The following GPR42 variants were observed in gnomAD, a reference collection of about 807,000 sequenced individuals.
The protein encoded by GPR42 is G-protein coupled receptor.
For missense variants in GPR42, 68 were observed against 311.2 expected (o/e 0.22, Z 5.88); for synonymous variants, 28 against 140.4 (o/e 0.20, Z 5.66).
At position 35,372,017 on chromosome 19, in the gene GPR42, C is replaced by CATTAAAAAAAA. The variant is rs1156603414; in HGVS notation, c.659_660insTTAAAAAAAAA (p.Gln220HisfsTer2). The CATTAAAAAAAA allele has an allele frequency of 2.3e-6, 2 of 884,560 alleles. No individual in the cohort carries two copies. Among genetic ancestry groups the CATTAAAAAAAA allele is most frequent in the Non-Finnish European group, 3.1e-6 (2 of 649,004 alleles). 54.8% of individuals were successfully genotyped at this position (884,560 alleles called of 1,614,324 possible). On this transcript the variant is annotated stop_gained and frameshift_variant, in exon 2 of 2. Transcript: ENST00000454971. LOFTEE classifies it low-confidence loss of function (END_TRUNC). ...CGGCAGAGGGGGCAGCCACCGCCGG[C>CATTAAAAAAAA]AGAGGAGGGTGGCGGGGCTGGTGGC...
rs752386102 is a variant in GPR42 at position 35,372,048 on chromosome 19, C to T, written c.689C>T (p.Thr230Met). The T allele has an allele frequency of 4.6e-6, 4 of 878,804 alleles. 1 individual carries two copies. Among genetic ancestry groups the T allele is most frequent in the African/African-American group, 3.3e-5 (1 of 30,346 alleles). 54.4% of individuals were successfully genotyped at this position (878,804 alleles called of 1,614,324 possible). The change falls in exon 2 of 2, where the codon ACG becomes ATG. Residue 230 changes from threonine (T) to methionine (M), a missense_variant. By Grantham distance (81) the Thr-to-Met change is moderately conservative. Transcript: ENST00000454971. ...AGGGTGGCGGGGCTGGTGGCGGCCACGCTGCTCAACTTCCTTGTCTGCTTT... is the reference window on the plus strand; with the variant it reads ...AGGGTGGCGGGGCTGGTGGCGGCCATGCTGCTCAACTTCCTTGTCTGCTTT... Reference protein sequence around the residue: ...QRRVAGLVAATLLNFLVCFGP... With the variant: ...QRRVAGLVAAMLLNFLVCFGP...
rs1227133857 is a variant in GPR42 at position 35,371,132 on chromosome 19, C to T, written c.-12+14C>T. 12 of 731,934 alleles carry T rather than the reference C, an allele frequency of 1.6e-5. No homozygotes were observed. The East Asian group carries it at 2.2e-4, about 14-fold the overall frequency. 45.3% of individuals were successfully genotyped at this position (731,934 alleles called of 1,614,324 possible). The stretch of plus-strand genomic sequence containing the variant: ...TCAAAGAAGCAGGTGAGCCTGGGCC[C>T]GAGGGGCTGGGTGGAGGAGCACCTT... On this transcript the variant is annotated intron_variant, in intron 1 of 1. Coordinates refer to ENST00000454971, the MANE Select transcript of GPR42 (RefSeq NM_001348195.2).
rs1313025702 is a variant in GPR42 at position 35,372,412 on chromosome 19, G to A, written c.*12G>A. 3.4e-6 allele frequency: 5 copies of A among 1,459,746 alleles called. No homozygotes were observed. Among genetic ancestry groups the A allele is most frequent in the South Asian group, 2.3e-5 (2 of 85,594 alleles). The allele number at this position is 1,459,746 out of a possible 1,614,324, so 90.4% of individuals were successfully genotyped here. A position where few individuals can be genotyped will look rare whatever the true frequency, so the allele number is the denominator to read the frequency against. ...GTGCTGAAAACTAGGTCCTCCGGGG[G>A]AGGAGGGTGTAGCTGGCGTGTCATC... is the stretch of plus-strand genomic sequence containing the variant. On this transcript the variant is annotated 3_prime_UTR_variant, in exon 2 of 2. Coordinates refer to ENST00000454971, the MANE Select transcript of GPR42 (RefSeq NM_001348195.2).
chr19:35,371,123 G>A lies in GPR42; in HGVS notation c.-12+5G>A, dbSNP rs966303768. The A allele has an allele frequency of 5.0e-6, 4 of 799,304 alleles. No individual in the cohort carries two copies. The African/African-American group carries it at 7.3e-5, about 15-fold the overall frequency. 49.5% of individuals were successfully genotyped at this position (799,304 alleles called of 1,614,324 possible). A position where few individuals can be genotyped will look rare whatever the true frequency, so the allele number is the denominator to read the frequency against. ...TTTGGGGTCTCAAAGAAGCAGGTGA[G>A]CCTGGGCCCGAGGGGCTGGGTGGAG... On this transcript the variant is annotated splice_donor_5th_base_variant and intron_variant, in intron 1 of 1. Coordinates refer to ENST00000454971, the MANE Select transcript of GPR42 (RefSeq NM_001348195.2).
chr19:35,371,190 A>T, intron 1 of GPR42, 72 bp downstream of exon 1: 1 of 451,604 alleles, frequency 2.2e-6, no homozygotes, highest in Middle Eastern at 5.8e-4. Context: ...GACAGGGGAC[A>T]GGGCATGCTC....
rs1252651511 is a variant in GPR42, at chr19:35,371,495, C to T, written c.136C>T (p.Arg46Cys). Residue 46 changes from arginine to cysteine, a missense_variant, in exon 2 of 2, where the codon CGC becomes TGC. Physicochemically the swap from Arg to Cys is radical, Grantham distance 180 (BLOSUM62 -3). Transcript: ENST00000454971. The stretch of plus-strand genomic sequence containing the variant: ...GGTCTTCGTGGGCAAGCTGCGGTGC[C>T]GCCCGGTGGCCGTGGACGTGCTCCT... ...LVVFVGKLRC[R>C]PVAVDVLLLN... is the part of the protein sequence containing the mutation. 1.9e-5 allele frequency: 17 copies of T among 879,898 alleles called. 6 individuals carry two copies. Among genetic ancestry groups the T allele is most frequent in the Non-Finnish European group, 2.7e-5 (17 of 626,242 alleles). 54.5% of individuals were successfully genotyped at this position (879,898 alleles called of 1,614,324 possible). A position where few individuals can be genotyped will look rare whatever the true frequency, so the allele number is the denominator to read the frequency against.
At position 35,371,798 on chromosome 19, in the gene GPR42, T is replaced by C. The variant is rs1431927781; in HGVS notation, c.439T>C (p.Cys147Arg). 1 of 714,808 alleles carries C rather than the reference T, an allele frequency of 1.4e-6. No individual in the cohort carries two copies. Among genetic ancestry groups the C allele is most frequent in the African/African-American group, 3.6e-5 (1 of 27,986 alleles). 44.3% of individuals were successfully genotyped at this position (714,808 alleles called of 1,614,324 possible). Residue 147 changes from cysteine (C) to arginine (R), a missense_variant, in exon 2 of 2, where the codon TGC becomes CGC. Physicochemically the swap from Cys to Arg is radical, Grantham distance 180. Coordinates refer to ENST00000454971, the MANE Select transcript of GPR42 (RefSeq NM_001348195.2). ...VACWLLASAH[C>R]SVVYVIEFSG... ...CTGCTGGCTGTTGGCCTCTGCTCAC[T>C]GCAGCGTGGTCTACGTCATAGAATT...
At position 35,372,369 on chromosome 19, in the gene GPR42, C is replaced by T. The variant is rs1408493967; in HGVS notation, c.1010C>T (p.Thr337Ile). 3 of 1,461,506 alleles carry T rather than the reference C, an allele frequency of 2.1e-6. No homozygotes were observed. Among genetic ancestry groups the T allele is most frequent in the African/African-American group, 1.4e-5 (1 of 69,944 alleles). 90.5% of individuals were successfully genotyped at this position (1,461,506 alleles called of 1,614,324 possible). A position where few individuals can be genotyped will look rare whatever the true frequency, so the allele number is the denominator to read the frequency against. The change falls in exon 2 of 2, where the codon ACT (threonine) becomes ATT (isoleucine). Residue 337 changes from threonine to isoleucine, a missense_variant. Physicochemically the swap from Thr to Ile is moderately conservative, Grantham distance 89 (BLOSUM62 -1). Coordinates refer to ENST00000454971, the MANE Select transcript of GPR42 (RefSeq NM_001348195.2). ...KTSEHSQGCG[T>I]GGQVACAEN ...AGTGAACACTCACAGGGCTGTGGAA[C>T]TGGTGGCCAGGTGGCCTGTGCTGAA...
rs1156679509 is a variant in GPR42 at position 35,371,075 on chromosome 19, G to A, written c.-55G>A. 46 of 943,716 alleles carry A rather than the reference G, an allele frequency of 4.9e-5. 3 individuals carry two copies. The highest frequency in any genetic ancestry group is 5.6e-5 in the Non-Finnish European group (41 of 727,040). The allele number at this position is 943,716 out of a possible 1,614,324, so 58.5% of individuals were successfully genotyped here. On this transcript the variant is annotated 5_prime_UTR_variant, in exon 1 of 2. Coordinates refer to ENST00000454971, the MANE Select transcript of GPR42 (RefSeq NM_001348195.2). Reference sequence around the variant, plus strand: ...CAACTGCACTAGGTCTGGAGAGACAGCAAGGTGCTGTGCGGCAGAGCATTT... The same window carrying A: ...CAACTGCACTAGGTCTGGAGAGACAACAAGGTGCTGTGCGGCAGAGCATTT...
chr19:35,372,366 G>A lies in GPR42; in HGVS notation c.1007G>A (p.Gly336Glu), dbSNP rs763246849. Residue 336 changes from glycine (G) to glutamate (E), a missense_variant, in exon 2 of 2, where the codon GGA (glycine) becomes GAA (glutamate). Physicochemically the swap from Gly to Glu is moderately conservative, Grantham distance 98. Coordinates refer to ENST00000454971, the MANE Select transcript of GPR42 (RefSeq NM_001348195.2). ...ACCAGTGAACACTCACAGGGCTGTG[G>A]AACTGGTGGCCAGGTGGCCTGTGCT... is the stretch of plus-strand genomic sequence containing the variant. ...RKTSEHSQGC[G>E]TGGQVACAEN 5.5e-6 allele frequency: 8 copies of A among 1,459,194 alleles called. 1 individual carries two copies. The South Asian group carries it at 9.4e-5, about 17-fold the overall frequency. 90.4% of individuals were successfully genotyped at this position (1,459,194 alleles called of 1,614,324 possible).
In GPR42 at chr19:35,371,878, C is replaced by T. The variant is rs2067023416; in HGVS notation, c.519C>T (p.Phe173=). 1 of 883,758 alleles carries T rather than the reference C, an allele frequency of 1.1e-6. No homozygotes were observed. Among genetic ancestry groups the T allele is most frequent in the Non-Finnish European group, 1.5e-6 (1 of 648,134 alleles). The allele number at this position is 883,758 out of a possible 1,614,324, so 54.7% of individuals were successfully genotyped here. Reference sequence around the variant, plus strand: ...CCAATGGGACCTGCTACCTGGAGTTCTGGAAGGACCAGCTAGCCATCCTCC... The same window carrying T: ...CCAATGGGACCTGCTACCTGGAGTTTTGGAAGGACCAGCTAGCCATCCTCC... The part of the protein sequence containing the change: ...QGTNGTCYLE[F]WKDQLAILLP... Residue 173 remains phenylalanine (F), a synonymous_variant, in exon 2 of 2, where the codon TTC becomes TTT. Transcript: ENST00000454971.
rs560481199 is a variant in GPR42 at position 35,372,350 on chromosome 19, C to T, written c.991C>T (p.His331Tyr). The change falls in exon 2 of 2, where the codon CAC becomes TAC. Residue 331 changes from histidine (H) to tyrosine (Y), a missense_variant. His to Tyr is a moderately conservative substitution (Grantham distance 83). Transcript: ENST00000454971. Reference protein sequence around the residue: ...DRPAERKTSEHSQGCGTGGQV... With the variant: ...DRPAERKTSEYSQGCGTGGQV... ...ACCAGCTGAAAGAAAGACCAGTGAACACTCACAGGGCTGTGGAACTGGTGG... is the reference window on the plus strand; with the variant it reads ...ACCAGCTGAAAGAAAGACCAGTGAATACTCACAGGGCTGTGGAACTGGTGG... 4.8e-6 allele frequency: 7 copies of T among 1,444,270 alleles called. No homozygotes were observed. In the African/African-American group the frequency reaches 1.0e-4, roughly 21 times the overall value. 89.5% of individuals were successfully genotyped at this position (1,444,270 alleles called of 1,614,324 possible). A position where few individuals can be genotyped will look rare whatever the true frequency, so the allele number is the denominator to read the frequency against.
chr19:35,372,318 C>A lies in GPR42; in HGVS notation c.959C>A (p.Ala320Glu). 3 of 1,339,530 alleles carry A rather than the reference C, an allele frequency of 2.2e-6. No individual in the cohort carries two copies. The highest frequency in any genetic ancestry group is 2.1e-5 in the Admixed American group (1 of 46,960). The allele number at this position is 1,339,530 out of a possible 1,614,324, so 83.0% of individuals were successfully genotyped here. ...CAGAAGGGAGGGGAGGAGCAGAGAG[C>A]GGACCGACCAGCTGAAAGAAAGACC... Reference protein sequence around the residue: ...KEQKGGEEQRADRPAERKTSE... With the variant: ...KEQKGGEEQREDRPAERKTSE... Residue 320 changes from alanine to glutamate, a missense_variant, in exon 2 of 2, where the codon GCG (alanine) becomes GAG (glutamate). Coordinates refer to ENST00000454971, the MANE Select transcript of GPR42 (RefSeq NM_001348195.2).
chr19:35,371,397 A>G lies in GPR42; in HGVS notation c.38A>G (p.Asn13Ser). ...TGPDQSYFSG[N>S]HWFVFSVYLL... Reference sequence around the variant, plus strand: ...CCCGACCAGTCCTACTTCTCCGGCAATCACTGGTTCGTCTTCTCGGTGTAC... The same window carrying G: ...CCCGACCAGTCCTACTTCTCCGGCAGTCACTGGTTCGTCTTCTCGGTGTAC... Residue 13 changes from asparagine (N) to serine (S), a missense_variant, in exon 2 of 2, where the codon AAT (asparagine) becomes AGT (serine). Physicochemically the swap from Asn to Ser is conservative, Grantham distance 46. Coordinates refer to ENST00000454971, the MANE Select transcript of GPR42 (RefSeq NM_001348195.2). 1.3e-6 allele frequency: 1 copy of G among 782,908 alleles called. No individual in the cohort carries two copies. The allele number at this position is 782,908 out of a possible 1,614,324, so 48.5% of individuals were successfully genotyped here.
Position 35,372,493 on chromosome 19 carries a change from C to A in GPR42, c.*93C>A. On this transcript the variant is annotated 3_prime_UTR_variant, in exon 2 of 2. Transcript: ENST00000454971. ...GGACTTGGAGTGGCGAGCTGGGGCC[C>A]GATGGGGCTTGGGGGCAGAGTAGAC... The A allele has an allele frequency of 1.3e-5, 8 of 614,810 alleles. No individual in the cohort carries two copies. The South Asian group carries it at 1.5e-4, about 11-fold the overall frequency. 38.1% of individuals were successfully genotyped at this position (614,810 alleles called of 1,614,324 possible).
chr19:35,372,429 C>T lies in GPR42; in HGVS notation c.*29C>T, dbSNP rs757450333. 5.6e-6 allele frequency: 8 copies of T among 1,436,394 alleles called. No homozygotes were observed. Among genetic ancestry groups the T allele is most frequent in the South Asian group, 4.7e-5 (4 of 84,398 alleles). 89.0% of individuals were successfully genotyped at this position (1,436,394 alleles called of 1,614,324 possible). ...CTCCGGGGGAGGAGGGTGTAGCTGG[C>T]GTGTCATCCTCAGGGCGCTTCCTCG... On this transcript the variant is annotated 3_prime_UTR_variant, in exon 2 of 2. Coordinates refer to ENST00000454971, the MANE Select transcript of GPR42 (RefSeq NM_001348195.2).
At position 35,371,510 on chromosome 19, in the gene GPR42, G is replaced by T. The variant is rs2067022237; in HGVS notation, c.151G>T (p.Asp51Tyr). 5.7e-6 allele frequency: 5 copies of T among 883,852 alleles called. No homozygotes were observed. The South Asian group carries it at 8.1e-5, about 14-fold the overall frequency. 54.8% of individuals were successfully genotyped at this position (883,852 alleles called of 1,614,324 possible). ...GKLRCRPVAV[D>Y]VLLLNLTASD... ...GCTGCGGTGCCGCCCGGTGGCCGTG[G>T]ACGTGCTCCTGCTCAACCTGACCGC... is the stretch of plus-strand genomic sequence containing the variant. Residue 51 changes from aspartate (D) to tyrosine (Y), a missense_variant, in exon 2 of 2, where the codon GAC becomes TAC. By Grantham distance (160) the Asp-to-Tyr change is radical. Coordinates refer to ENST00000454971, the MANE Select transcript of GPR42 (RefSeq NM_001348195.2).
intron 1 of GPR42, 37 bp from the exon 2 acceptor site, chr19:35,371,312 C>A: frequency 1.9e-6 from 1 of 537,584 alleles, no homozygotes; most frequent in Non-Finnish European, 2.8e-6. Flanking sequence ...GCCGTTAGGG[C>A]CCCCACTACC....
chr19:35,371,757 G>T lies in GPR42; in HGVS notation c.398G>T (p.Gly133Val). 2 of 687,008 alleles carry T rather than the reference G, an allele frequency of 2.9e-6. 1 individual carries two copies. The highest frequency in any genetic ancestry group is 4.2e-6 in the Non-Finnish European group (2 of 477,914). 42.6% of individuals were successfully genotyped at this position (687,008 alleles called of 1,614,324 possible). ...YKTRPRLGQA[G>V]LVSVACWLLA... ...ACCCGGCCGAGGCTGGGGCAGGCAG[G>T]TCTGGTGAGTGTGGCCTGCTGGCTG... is the stretch of plus-strand genomic sequence containing the variant. Residue 133 changes from glycine to valine, a missense_variant, in exon 2 of 2, where the codon GGT (glycine) becomes GTT (valine). By Grantham distance (109) the Gly-to-Val change is moderately radical (BLOSUM62 -3). Coordinates refer to ENST00000454971, the MANE Select transcript of GPR42 (RefSeq NM_001348195.2).
Sources: allele counts gnomAD v4.1 joint callset, GRCh38; gene constraint gnomAD v4.1.1; transcripts MANE v1.5; gene names NCBI Gene and HGNC (gene_info 2026-07-23, HGNC 2026-07-21).